Variants in LARP1B observed in about 807,000 individuals in gnomAD.
LARP1B encodes la-related protein 1B.
In LARP1B, 76 loss-of-function variants were observed where a neutral mutation model predicts 114.2. The observed-to-expected ratio is 0.67, with a 90% CI of 0.55 to 0.81. The LOEUF (loss-of-function observed/expected upper bound fraction) is 0.81, where lower values mean the gene tolerates loss of function less well. Ranked by LOEUF, LARP1B falls within the 30% of genes least tolerant of loss-of-function variation. The probability of loss-of-function intolerance (pLI) is 0.00; values close to 1 mark genes in which losing one functional copy is unlikely to be tolerated. For synonymous variants in LARP1B, 345 were observed against 348.0 expected, an observed-to-expected ratio of 0.99 and a Z score of 0.10; for missense variants, 1,014 against 1,075.8, an observed-to-expected ratio of 0.94 and a Z score of 0.80.
chr4:128,149,364 A>G (rs1731680921), intron 11 of LARP1B, among the ~76,000 whole-genome samples: 1 of 152,216 alleles, frequency 6.6e-6, no homozygotes, highest in African/African-American at 2.4e-5. Context: ...ATAGTGGTTT[A>G]ATAGGTTTAT....
chr4:128,143,116 C>T lies in LARP1B; in HGVS notation c.1525-19078C>T, dbSNP rs147500394. On this transcript the variant is annotated intron_variant, in intron 11 of 19. Transcript: ENST00000326639. The stretch of plus-strand genomic sequence containing the variant: ...CCTGGCCAACATGGTGAAACCCCAT[C>T]CCTACTAAAAATGTAAAAATTAGCT... Among the ~76,000 whole-genome samples, 845 of 151,998 alleles carry T rather than the reference C, an allele frequency of 5.6e-3. 2 individuals carry two copies. Among genetic ancestry groups the T allele is most frequent in the Non-Finnish European group, 8.9e-3 (605 of 67,974 alleles).
chr4:128,094,159 T>C (rs1338923653), intron 7 of LARP1B, among the ~76,000 whole-genome samples: 1 of 151,380 alleles, frequency 6.6e-6, no homozygotes, highest in Non-Finnish European at 1.5e-5. Context: ...ACTCCTGACC[T>C]TGTGATCCGC....
chr4:128,169,062 A>G (rs957927448), intron 12 of LARP1B, among the ~76,000 whole-genome samples: 1 of 152,064 alleles, frequency 6.6e-6, no homozygotes, highest in African/African-American at 2.4e-5. Context: ...GGAATTTATA[A>G]TATGCTCTTT....
intron 11 of LARP1B, among the ~76,000 whole-genome samples, chr4:128,145,872 T>C (rs1052523730): frequency 6.6e-6 from 1 of 152,214 alleles, no homozygotes; most frequent in African/African-American, 2.4e-5. Context: ...CTGGTATTGG[T>C]TGCTCCGTCA....
chr4:128,179,725 T>C (rs544353309), intron 15 of LARP1B, among the ~76,000 whole-genome samples: 31 of 152,304 alleles, frequency 2.0e-4, no homozygotes, highest in African/African-American at 7.2e-4. Flanking sequence ...ATTTAAATTA[T>C]TTTTCACAAA....
At chr4:128,221,955 C>T (rs1302162503) in intron 7 of LARP1B, among the ~76,000 whole-genome samples, 1 of 152,144 alleles carries the variant, frequency 6.6e-6, no homozygotes, top group Non-Finnish European at 1.5e-5. Flanking sequence ...ACAGTAAGCA[C>T]TTAGTAAACA....
Position 128,210,749 on chromosome 4 carries a change from T to A in LARP1B, c.*696T>A. The A allele has an allele frequency of 5.1e-6, 5 of 985,266 alleles. No individual in the cohort carries two copies. The highest frequency in any genetic ancestry group is 6.0e-6 in the Non-Finnish European group (5 of 829,770). The allele number at this position is 985,266 out of a possible 1,614,324, so 61.0% of individuals were successfully genotyped here. A position where few individuals can be genotyped will look rare whatever the true frequency, so the allele number is the denominator to read the frequency against. ...CTCATGATTTCCACAGTTGTTGTAT[T>A]GGTGTGGAGTTTTCTGAATTGGCTA... On this transcript the variant is annotated 3_prime_UTR_variant, in exon 20 of 20. Coordinates refer to ENST00000326639, the MANE Select transcript of LARP1B (RefSeq NM_018078.4).
At chr4:128,093,482 G>C (rs1204600213) in intron 7 of LARP1B, among the ~76,000 whole-genome samples, 2 of 151,834 alleles carry the variant, frequency 1.3e-5, no homozygotes, top group South Asian at 4.2e-4. Context: ...TGTAGTCCCA[G>C]CTACTCTGGA....
intron 1 of LARP1B, chr4:128,062,179 G>T: frequency 1.2e-5 from 12 of 985,388 alleles, no homozygotes; most frequent in Non-Finnish European, 1.4e-5. Context: ...CCCCAGACAC[G>T]ACAGGTCCGC....
rs565129247 is a variant in LARP1B at position 128,081,067 on chromosome 4, T to C, written c.218-1098T>C. 1.1e-4 allele frequency among the ~76,000 whole-genome samples: 15 copies of C among 142,538 alleles called. No homozygotes were observed. The South Asian group carries it at 3.5e-3, about 33-fold the overall frequency. The allele number at this position is 142,538 out of a possible 152,430, so 93.5% of individuals were successfully genotyped here. A position where few individuals can be genotyped will look rare whatever the true frequency, so the allele number is the denominator to read the frequency against. ...AATCAAGTACTAAACAGGAATGTTA[T>C]GTATATATACTTTTTTTTTTTTTTT... On this transcript the variant is annotated intron_variant, in intron 4 of 19. Coordinates refer to ENST00000326639, the MANE Select transcript of LARP1B (RefSeq NM_018078.4).
At chr4:128,200,772 A>G (rs1420230904) in intron 17 of LARP1B, 107 bp downstream of exon 17, 6 of 717,052 alleles carry the variant, frequency 8.4e-6, no homozygotes, top group Non-Finnish European at 1.1e-5. Context: ...ATAATTTTTA[A>G]AACTAGTACT....
At chr4:128,084,735 TACTA>T (rs34228568) in intron 5 of LARP1B, among the ~76,000 whole-genome samples, 4,050 of 152,294 alleles carry the variant, frequency 0.027, 165 homozygotes, top group African/African-American at 0.093. Context: ...TTATTGAAGA[TACTA>T]ACTTTGATTA....
chr4:128,209,446 C>CA lies in LARP1B; in HGVS notation c.2548-402dup, dbSNP rs201104285. On this transcript the variant is annotated intron_variant, in intron 19 of 19. Coordinates refer to ENST00000326639, the MANE Select transcript of LARP1B (RefSeq NM_018078.4). ...AAAACAAAAACAAAAAACAAGCAAA[C>CA]AAAAAAAACACTCGGGCTACAGAGT... Among the ~76,000 whole-genome samples the CA allele has an allele frequency of 3.5e-3, 532 of 151,344 alleles. 1 individual carries two copies. The highest frequency in any genetic ancestry group is 5.8e-3 in the Non-Finnish European group (396 of 67,758).
rs747756069 is a variant in LARP1B, at chr4:128,107,305, C to T, written c.980C>T (p.Ser327Leu). ...TTTGTACCAGGCCAAGCCTTTTGCTCACATACAGGTAACATCTTTTCTTCT... is the reference window on the plus strand; with the variant it reads ...TTTGTACCAGGCCAAGCCTTTTGCTTACATACAGGTAACATCTTTTCTTCT... ...PEFVPGQAFCSHTESAPNSPR... is the reference protein window; with the variant it reads ...PEFVPGQAFCLHTESAPNSPR... The change falls in exon 9 of 20, where the codon TCA (serine) becomes TTA (leucine). Residue 327 changes from serine to leucine, a missense_variant. Coordinates refer to ENST00000326639, the MANE Select transcript of LARP1B (RefSeq NM_018078.4). 1.2e-6 allele frequency: 2 copies of T among 1,614,092 alleles called. No individual in the cohort carries two copies.
At chr4:128,147,021 A>G (rs554954376) in intron 11 of LARP1B, among the ~76,000 whole-genome samples, 2 of 152,316 alleles carry the variant, frequency 1.3e-5, no homozygotes, top group Admixed American at 1.3e-4. Flanking sequence ...TGTCTATCCC[A>G]TTGGTTCACT....
chr4:128,216,659 A>T (rs1759501311), downstream of LARP1B, among the ~76,000 whole-genome samples: 1 of 149,512 alleles, frequency 6.7e-6, no homozygotes, highest in Non-Finnish European at 1.5e-5. Flanking sequence ...GTAGAGGGAA[A>T]TTTATAGCAC....
chr4:128,063,297 G>A (rs1761038707), intron 1 of LARP1B, among the ~76,000 whole-genome samples: 1 of 150,958 alleles, frequency 6.6e-6, no homozygotes, highest in Admixed American at 6.6e-5. Flanking sequence ...CGTGGTGGCG[G>A]GCGCCTGTAA....
intron 17 of LARP1B, among the ~76,000 whole-genome samples, chr4:128,205,102 T>C (rs886425887): frequency 1.6e-4 from 24 of 152,218 alleles, no homozygotes; most frequent in African/African-American, 4.3e-4. Flanking sequence ...CTTAAGGCTA[T>C]GGGAGCCAAG....
intron 1 of LARP1B, among the ~76,000 whole-genome samples, chr4:128,067,399 A>G (rs1763414645): frequency 6.6e-6 from 1 of 152,222 alleles, no homozygotes; most frequent in Non-Finnish European, 1.5e-5. Flanking sequence ...GAAGTTTATT[A>G]CTACAGTTAG....
Sources: gnomAD v4.1 joint callset for allele counts (sites outside exome capture counted in the v4.1 genomes callset) on GRCh38, gnomAD v4.1.1 for gene constraint, MANE v1.5 for transcripts, NCBI Gene and HGNC (gene_info 2026-07-23, HGNC 2026-07-21) for gene names.